LDB2: variants seen among roughly 807,000 people sequenced by gnomAD.
The protein encoded by LDB2 is LIM domain binding 2.
A neutral mutation model predicts 44.3 loss-of-function variants in LDB2; 12 were observed. The ratio of observed to expected loss-of-function variants is 0.27; its 90% CI spans 0.17 to 0.44. The LOEUF is 0.44. Among genes scored for constraint, LDB2 ranks in the 20% least tolerant of loss-of-function variants. The pLI is 1.00. For synonymous variants in LDB2, 164 were observed against 174.8 expected (o/e 0.94, Z 0.49); for missense variants, 344 against 473.5 (o/e 0.73, Z 2.54).
intron 2 of LDB2, among the ~76,000 whole-genome samples, chr4:16,624,276 TTA>T (rs1267461099): frequency 6.6e-5 from 10 of 152,280 alleles, no homozygotes; most frequent in African/African-American, 2.4e-4. Flanking sequence ...GTTTTGGTTT[TTA>T]TAGAGGCAGG....
chr4:16,736,103 C>A (rs1271518470), intron 2 of LDB2, among the ~76,000 whole-genome samples: 1 of 152,196 alleles, frequency 6.6e-6, no homozygotes. Context: ...TCCTACACTC[C>A]TTCCCACCTC....
At chr4:16,748,162 T>C (rs1160649331) in intron 2 of LDB2, among the ~76,000 whole-genome samples, 3 of 152,208 alleles carry the variant, frequency 2.0e-5, no homozygotes, top group Non-Finnish European at 4.4e-5. Flanking sequence ...TCCTCCTTTT[T>C]CAGATCTTCA....
intron 2 of LDB2, among the ~76,000 whole-genome samples, chr4:16,607,013 T>G (rs558500790): frequency 6.6e-6 from 1 of 152,314 alleles, no homozygotes; most frequent in East Asian, 1.9e-4. Context: ...TTCCTTTCTG[T>G]AGAGAGAAGG....
At chr4:16,733,809 A>T (rs965028196) in intron 2 of LDB2, among the ~76,000 whole-genome samples, 2 of 152,178 alleles carry the variant, frequency 1.3e-5, no homozygotes, top group East Asian at 3.9e-4. Context: ...CTAGTCATCA[A>T]GGCAATAATT....
chr4:16,714,996 CT>C (rs547866243), intron 2 of LDB2, among the ~76,000 whole-genome samples: 22 of 152,220 alleles, frequency 1.4e-4, no homozygotes, highest in Admixed American at 8.5e-4. Context: ...TGGGGTATAT[CT>C]TTTTTTGGGG....
chr4:16,642,156 C>T (rs1366813562), intron 2 of LDB2, among the ~76,000 whole-genome samples: 2 of 152,088 alleles, frequency 1.3e-5, no homozygotes, highest in Admixed American at 6.6e-5. Flanking sequence ...ACCAAATTGC[C>T]TCAGAAAGCC....
At chr4:16,759,500 G>T (rs1468449820) in intron 1 of LDB2, 1 of 445,552 alleles carries the variant, frequency 2.2e-6, no homozygotes, top group Non-Finnish European at 4.0e-6. Flanking sequence ...AATTCTCCAG[G>T]ATATATTTGG....
chr4:16,826,448 T>C (rs1473745372), intron 1 of LDB2: 1 of 152,218 alleles, frequency 6.6e-6, no homozygotes, highest in Non-Finnish European at 1.5e-5. Flanking sequence ...CATCTACATT[T>C]CCTATTTCCA....
At chr4:16,583,481 G>C (rs1176653426) in intron 5 of LDB2, among the ~76,000 whole-genome samples, 1 of 152,128 alleles carries the variant, frequency 6.6e-6, no homozygotes, top group East Asian at 1.9e-4. Context: ...ACAAAGGCCA[G>C]GCTCCTCAGA....
At chr4:16,649,285 T>C (rs1737617479) in intron 2 of LDB2, among the ~76,000 whole-genome samples, 1 of 152,214 alleles carries the variant, frequency 6.6e-6, no homozygotes, top group Admixed American at 6.5e-5. Flanking sequence ...ATGATGTGCA[T>C]ATGTTTGCCC....
chr4:16,580,316 A>G (rs1029707400), intron 5 of LDB2, among the ~76,000 whole-genome samples: 5 of 152,198 alleles, frequency 3.3e-5, no homozygotes, highest in African/African-American at 1.2e-4. Flanking sequence ...AATACACTGA[A>G]AAATTCAGGT....
At chr4:16,507,022 T>TA (rs553613617) in intron 7 of LDB2, 110 of 152,286 alleles carry the variant, frequency 7.2e-4, no homozygotes, top group African/African-American at 2.4e-3. Flanking sequence ...GGCCATTTTC[T>TA]CTATTCAAAA....
chr4:16,585,889 C>T (rs1577999515), intron 5 of LDB2, 33 bp downstream of exon 5: 3 of 1,566,540 alleles, frequency 1.9e-6, no homozygotes, highest in Non-Finnish European at 8.8e-7. Flanking sequence ...TTTTCAAACT[C>T]ACCAAAAAAT....
At chr4:16,505,822 C>A (rs1450574307) in intron 7 of LDB2, 8 of 1,531,666 alleles carry the variant, frequency 5.2e-6, no homozygotes, top group Non-Finnish European at 6.2e-6. Flanking sequence ...ACTAATCCCC[C>A]GTGCAAAGAC....
intron 1 of LDB2, among the ~76,000 whole-genome samples, chr4:16,792,652 C>T (rs1776001019): frequency 6.6e-6 from 1 of 152,094 alleles, no homozygotes; most frequent in Non-Finnish European, 1.5e-5. Flanking sequence ...TAGACATTAC[C>T]CTGCCAATCT....
chr4:16,786,828 G>GTC (rs1471191102), intron 1 of LDB2, among the ~76,000 whole-genome samples: 1 of 152,132 alleles, frequency 6.6e-6, no homozygotes, highest in Non-Finnish European at 1.5e-5. Flanking sequence ...AGAGGCACCT[G>GTC]TCTCTCTTCC....
At chr4:16,687,021 T>C (rs1749411978) in intron 2 of LDB2, among the ~76,000 whole-genome samples, 1 of 151,974 alleles carries the variant, frequency 6.6e-6, no homozygotes, top group Non-Finnish European at 1.5e-5. Flanking sequence ...AAAGAATGCT[T>C]GAGAATATAT....
chr4:16,722,023 G>A (rs1321655866), intron 2 of LDB2, among the ~76,000 whole-genome samples: 1 of 152,136 alleles, frequency 6.6e-6, no homozygotes, highest in Non-Finnish European at 1.5e-5. Flanking sequence ...GTGTCCATGA[G>A]AGGCTGCTGG....
chr4:16,608,391 T>C (rs1237321425), intron 2 of LDB2, among the ~76,000 whole-genome samples: 2 of 152,138 alleles, frequency 1.3e-5, no homozygotes, highest in Non-Finnish European at 2.9e-5. Context: ...GGAACAACCG[T>C]TCCAACAGAG....
Sources: gnomAD v4.1 joint callset for allele counts (sites outside exome capture counted in the v4.1 genomes callset) on GRCh38, gnomAD v4.1.1 for gene constraint, MANE v1.5 for transcripts, NCBI Gene and HGNC (gene_info 2026-07-23, HGNC 2026-07-21) for gene names.